Variants in TTC6 observed in about 807,000 individuals in gnomAD.
The protein encoded by TTC6 is tetratricopeptide repeat domain 6, also known as tetratricopeptide repeat protein 6.
In TTC6, 172 loss-of-function variants were observed where a neutral mutation model predicts 210.4. That is an observed-to-expected ratio of 0.82 (90% CI 0.72 to 0.93). The LOEUF (loss-of-function observed/expected upper bound fraction) is 0.93, where lower values mean the gene tolerates loss of function less well. TTC6 is among the 40% of genes least tolerant of loss of function. The pLI is 0.00. For missense variants in TTC6, 2,414 were observed against 2,318.1 expected, an observed-to-expected ratio of 1.04 and a Z score of -0.85; for synonymous variants, 804 against 819.6, an observed-to-expected ratio of 0.98 and a Z score of 0.32.
Position 37,598,812 on chromosome 14 carries a change from C to G in TTC6, c.-235+2804C>G, listed in dbSNP as rs2095609552. On this transcript the variant is annotated intron_variant, in intron 1 of 2. Transcript: ENST00000556845. The surrounding 1 kb of genome is among the most constrained non-coding windows in gnomAD (Gnocchi z 4.9). ...GTCTCTCCAGGGCTTCCCTCTGTGG[C>G]TGTCCCTCGCCTGCCCCCTTTCCTT... Among the ~76,000 whole-genome samples, 1 of 152,196 alleles carries G rather than the reference C, an allele frequency of 6.6e-6. No individual in the cohort carries two copies. Among genetic ancestry groups the G allele is most frequent in the Non-Finnish European group, 1.5e-5 (1 of 68,030 alleles).
intron 29 of TTC6, among the ~76,000 whole-genome samples, chr14:37,839,235 T>C (rs901270232): frequency 1.3e-5 from 2 of 152,208 alleles, no homozygotes; most frequent in Admixed American, 1.3e-4. Context: ...TCTTCCACAA[T>C]GGTTGAACTA....
At chr14:37,658,091 CAA>C (rs1307586482) in intron 1 of TTC6, among the ~76,000 whole-genome samples, 1 of 152,060 alleles carries the variant, frequency 6.6e-6, no homozygotes. Context: ...ACTTATATAA[CAA>C]GAGAGAAAAT....
intron 1 of TTC6, among the ~76,000 whole-genome samples, chr14:37,602,633 A>T (rs1287701609): frequency 6.6e-6 from 1 of 152,036 alleles, no homozygotes; most frequent in African/African-American, 2.4e-5. Context: ...GGATGAACCC[A>T]CTGAACCCAC....
intron 1 of TTC6, among the ~76,000 whole-genome samples, chr14:37,675,258 C>G (rs978782873): frequency 1.3e-5 from 2 of 152,024 alleles, no homozygotes; most frequent in African/African-American, 2.4e-5. Flanking sequence ...CTGGCAACAA[C>G]AAGTTGGCTT....
At chr14:37,665,047 G>C (rs2095745111) in intron 1 of TTC6, among the ~76,000 whole-genome samples, 1 of 150,638 alleles carries the variant, frequency 6.6e-6, no homozygotes, top group Non-Finnish European at 1.5e-5. Flanking sequence ...TACACTGTTG[G>C]TGGGAGTATA....
intron 1 of TTC6, among the ~76,000 whole-genome samples, chr14:37,629,476 A>C (rs2095665728): frequency 6.6e-6 from 1 of 152,148 alleles, no homozygotes; most frequent in South Asian, 2.1e-4. Flanking sequence ...GACTTTGCTG[A>C]AATTGCTTAT....
intron 14 of TTC6, among the ~76,000 whole-genome samples, chr14:37,756,966 A>C (rs2095969821): frequency 6.6e-6 from 1 of 152,112 alleles, no homozygotes; most frequent in Non-Finnish European, 1.5e-5. Flanking sequence ...TCGTCTGTGA[A>C]TCTGCCTGGT....
At chr14:37,736,230 A>G (rs1167610398) in intron 8 of TTC6, among the ~76,000 whole-genome samples, 1 of 152,092 alleles carries the variant, frequency 6.6e-6, no homozygotes, top group Non-Finnish European at 1.5e-5. Flanking sequence ...TAGTAAAAAA[A>G]CAAAAAAATT....
intron 26 of TTC6, among the ~76,000 whole-genome samples, chr14:37,821,867 G>T (rs954435501): frequency 8.3e-5 from 11 of 132,524 alleles, no homozygotes; most frequent in African/African-American, 3.2e-4. Flanking sequence ...TGCAACCTCC[G>T]CCTTCCAGTT....
At chr14:37,765,910 TA>T (rs1400991040) in intron 14 of TTC6, among the ~76,000 whole-genome samples, 1 of 152,184 alleles carries the variant, frequency 6.6e-6, no homozygotes, top group African/African-American at 2.4e-5. Flanking sequence ...GCATTAGTCT[TA>T]TTGAAGATCC....
intron 15 of TTC6, among the ~76,000 whole-genome samples, chr14:37,790,147 G>C (rs945318586): frequency 6.6e-6 from 1 of 152,012 alleles, no homozygotes; most frequent in Non-Finnish European, 1.5e-5. Flanking sequence ...CTGTCATTTG[G>C]GATGTGCATA....
At chr14:37,722,446 C>T (rs1535540) in intron 6 of TTC6, among the ~76,000 whole-genome samples, 41,411 of 152,064 alleles carry the variant, frequency 0.27, 5,692 homozygotes, top group South Asian at 0.38. Flanking sequence ...CTTCAGGGCT[C>T]GAGTGATCCT....
chr14:37,723,006 G>T (rs1445595080), intron 6 of TTC6, among the ~76,000 whole-genome samples: 1 of 152,016 alleles, frequency 6.6e-6, no homozygotes, highest in Non-Finnish European at 1.5e-5. Context: ...ATATCAGTAT[G>T]ATTTGTGAAT....
chr14:37,795,328 A>G, exon 18 of TTC6: 2 of 1,531,114 alleles, frequency 1.3e-6, no homozygotes, highest in South Asian at 1.2e-5. Flanking sequence ...CTTCAGCCAG[A>G]TGGAATCCAA....
chr14:37,774,010 C>T (rs8019661), intron 14 of TTC6, among the ~76,000 whole-genome samples: 133,763 of 152,088 alleles, frequency 0.88, 59,423 homozygotes, highest in Non-Finnish European at 0.95. Context: ...TGTTGTATTC[C>T]TACTGTGGCT....
At chr14:37,722,405 G>A (rs2095863682) in intron 6 of TTC6, among the ~76,000 whole-genome samples, 1 of 152,138 alleles carries the variant, frequency 6.6e-6, no homozygotes. Context: ...CTCTCCTGAA[G>A]GTGCATCTGT....
chr14:37,689,289 T>C (rs1380630032), intron 3 of TTC6, among the ~76,000 whole-genome samples: 1 of 151,860 alleles, frequency 6.6e-6, no homozygotes, highest in Non-Finnish European at 1.5e-5. Context: ...GAAAAAAGAA[T>C]AAAACACAAT....
chr14:37,727,392 C>G (rs1421320310), intron 7 of TTC6, among the ~76,000 whole-genome samples: 1 of 144,640 alleles, frequency 6.9e-6, no homozygotes, highest in Non-Finnish European at 1.5e-5. Flanking sequence ...CTCTCAGGTT[C>G]AAGCAATTCC....
chr14:37,783,791 C>T (rs1376856090), intron 14 of TTC6, among the ~76,000 whole-genome samples: 1 of 152,156 alleles, frequency 6.6e-6, no homozygotes, highest in Non-Finnish European at 1.5e-5. Context: ...TCCCTCTACA[C>T]ACTGCTTGAA....
Sources: gnomAD v4.1 joint callset for allele counts (sites outside exome capture counted in the v4.1 genomes callset) on GRCh38, gnomAD v4.1.1 for gene constraint, Gnocchi (gnomAD v3.1) non-coding constraint, MANE v1.5 for transcripts, NCBI Gene and HGNC (gene_info 2026-07-23, HGNC 2026-07-21) for gene names.